Variants in KCNT2 observed in about 807,000 individuals in gnomAD.
KCNT2 encodes potassium channel subfamily T member 2.
Under a neutral mutation model 153.8 loss-of-function variants are expected in KCNT2, and 67 were observed. That is an observed-to-expected ratio of 0.44 (90% confidence interval 0.36 to 0.53). KCNT2 has a LOEUF of 0.53. Ranked by LOEUF, KCNT2 falls within the 20% of genes least tolerant of loss-of-function variation. The pLI is 0.00. For missense variants in KCNT2, 975 were observed against 1,354.8 expected, an observed-to-expected ratio of 0.72 and a Z score of 4.40; for synonymous variants, 500 against 458.8, an observed-to-expected ratio of 1.09 and a Z score of -1.15.
chr1:196,560,660 T>C (rs1558078488), intron 1 of KCNT2, among the ~76,000 whole-genome samples: 1 of 151,534 alleles, frequency 6.6e-6, no homozygotes, highest in Non-Finnish European at 1.5e-5. Context: ...TTGTTCCAAG[T>C]GGCAAAATGA....
At chr1:196,557,916 C>T (rs150581186) in intron 1 of KCNT2, among the ~76,000 whole-genome samples, 7 of 151,326 alleles carry the variant, frequency 4.6e-5, no homozygotes, top group African/African-American at 1.2e-4. Context: ...TCAAAGAATG[C>T]CTTTCAGAAA....
intron 1 of KCNT2, among the ~76,000 whole-genome samples, chr1:196,562,032 G>A (rs529742888): frequency 1.3e-5 from 2 of 151,978 alleles, no homozygotes; most frequent in African/African-American, 4.8e-5. Context: ...AAGCTTCAGA[G>A]AAAATAGATT....
chr1:196,361,409 A>C (rs1195055337), intron 14 of KCNT2, among the ~76,000 whole-genome samples: 1 of 152,094 alleles, frequency 6.6e-6, no homozygotes, highest in Non-Finnish European at 1.5e-5. Context: ...ACTGAGAAGC[A>C]GTTGGATCCC....
chr1:196,389,791 T>C (rs1670313068), intron 13 of KCNT2, among the ~76,000 whole-genome samples: 1 of 151,624 alleles, frequency 6.6e-6, no homozygotes, highest in Non-Finnish European at 1.5e-5. Context: ...TACTGAAAAC[T>C]AATACTGATC....
At chr1:196,380,400 A>T (rs1669375233) in intron 13 of KCNT2, among the ~76,000 whole-genome samples, 3 of 152,188 alleles carry the variant, frequency 2.0e-5, no homozygotes, top group African/African-American at 7.2e-5. Flanking sequence ...TTTATGAAAA[A>T]TAAAATTGAT....
chr1:196,560,058 C>T (rs1282170342), intron 1 of KCNT2, among the ~76,000 whole-genome samples: 6 of 151,358 alleles, frequency 4.0e-5, no homozygotes, highest in African/African-American at 7.3e-5. Context: ...TTTAATTTGC[C>T]GTATGTGATT....
At chr1:196,325,981 T>C (rs1663811731) in intron 19 of KCNT2, among the ~76,000 whole-genome samples, 1 of 152,114 alleles carries the variant, frequency 6.6e-6, no homozygotes, top group Non-Finnish European at 1.5e-5. Flanking sequence ...GACATTTGCA[T>C]CACATTGGAA....
intron 8 of KCNT2, among the ~76,000 whole-genome samples, chr1:196,433,379 A>G (rs1412587113): frequency 1.3e-5 from 2 of 152,118 alleles, no homozygotes; most frequent in African/African-American, 4.8e-5. Flanking sequence ...GTCAGATATA[A>G]AAGACCACAT....
chr1:196,479,580 A>C (rs888249443), intron 4 of KCNT2, among the ~76,000 whole-genome samples: 2 of 152,130 alleles, frequency 1.3e-5, no homozygotes, highest in African/African-American at 4.8e-5. Context: ...TTCGTTTTAA[A>C]ATTTTTTTTA....
At chr1:196,428,818 A>C (rs756171631) in intron 9 of KCNT2, among the ~76,000 whole-genome samples, 2 of 152,142 alleles carry the variant, frequency 1.3e-5, no homozygotes, top group African/African-American at 2.4e-5. Context: ...GCAATGGAAT[A>C]TGCAAGTTTG....
chr1:196,599,592 C>T (rs1664482070), intron 1 of KCNT2, among the ~76,000 whole-genome samples: 1 of 152,180 alleles, frequency 6.6e-6, no homozygotes, highest in Admixed American at 6.5e-5. Flanking sequence ...AGTGCTAAGA[C>T]TACTAAAGCA....
intron 22 of KCNT2, among the ~76,000 whole-genome samples, chr1:196,293,308 C>T (rs1314922751): frequency 6.6e-6 from 1 of 151,978 alleles, no homozygotes; most frequent in Non-Finnish European, 1.5e-5. Flanking sequence ...AGACCTCAAA[C>T]AGCCAAAGCA....
intron 1 of KCNT2, among the ~76,000 whole-genome samples, chr1:196,496,193 G>A (rs952583562): frequency 2.6e-5 from 4 of 152,250 alleles, no homozygotes; most frequent in South Asian, 2.1e-4. Context: ...AGATAGGCCA[G>A]GCACGGTGGC....
chr1:196,406,703 G>A (rs943859082), intron 12 of KCNT2, among the ~76,000 whole-genome samples: 8 of 151,392 alleles, frequency 5.3e-5, no homozygotes, highest in African/African-American at 1.7e-4. Context: ...TTCAGCAGAA[G>A]GGATTTAACA....
intron 8 of KCNT2, among the ~76,000 whole-genome samples, chr1:196,433,851 G>T (rs1480413640): frequency 6.6e-6 from 1 of 151,930 alleles, no homozygotes; most frequent in Non-Finnish European, 1.5e-5. Context: ...CTTATGAATG[G>T]TTAGGTAGCT....
chr1:196,430,976 G>T (rs1208320697), intron 8 of KCNT2, among the ~76,000 whole-genome samples: 1 of 152,120 alleles, frequency 6.6e-6, no homozygotes, highest in Non-Finnish European at 1.5e-5. Flanking sequence ...GCTTTAGGAG[G>T]TGATTAAATC....
chr1:196,523,866 C>G (rs1407218807), intron 1 of KCNT2, among the ~76,000 whole-genome samples: 3 of 152,076 alleles, frequency 2.0e-5, no homozygotes, highest in Non-Finnish European at 4.4e-5. Context: ...TTTTCCTTAC[C>G]TACTTTGTTT....
intron 12 of KCNT2, among the ~76,000 whole-genome samples, chr1:196,419,828 T>C (rs1239968914): frequency 4.6e-5 from 7 of 152,008 alleles, no homozygotes; most frequent in Admixed American, 3.9e-4. Flanking sequence ...TGCCTTTTCC[T>C]TTTTCCTTTG....
intron 1 of KCNT2, among the ~76,000 whole-genome samples, chr1:196,577,635 T>C (rs570500758): frequency 6.6e-5 from 10 of 152,178 alleles, no homozygotes; most frequent in African/African-American, 2.4e-4. Context: ...CTAACACAAA[T>C]CCAGGAATTG....
Sources: gnomAD v4.1 joint callset for allele counts (sites outside exome capture counted in the v4.1 genomes callset) on GRCh38, gnomAD v4.1.1 for gene constraint, MANE v1.5 for transcripts, NCBI Gene and HGNC (gene_info 2026-07-23, HGNC 2026-07-21) for gene names.